Variants in PDE2A observed in about 807,000 individuals in gnomAD.
PDE2A encodes the protein phosphodiesterase 2A.
PDE2A carries 53 observed loss-of-function variants against 133.6 expected under a neutral mutation model. That is an observed-to-expected ratio of 0.40 (90% CI 0.32 to 0.50). The LOEUF (loss-of-function observed/expected upper bound fraction) is 0.50, where lower values mean the gene tolerates loss of function less well. Among genes scored for constraint, PDE2A ranks in the 20% least tolerant of loss-of-function variants. PDE2A has a pLI of 0.73. For synonymous variants in PDE2A, 491 were observed against 490.2 expected (o/e 1.00, Z -0.02); for missense variants, 796 against 1,232.4 (o/e 0.65, Z 5.30).
chr11:72,592,318 C>A (rs1331796773), intron 6 of PDE2A, among the ~76,000 whole-genome samples: 1 of 152,202 alleles, frequency 6.6e-6, no homozygotes, highest in East Asian at 1.9e-4. Flanking sequence ...CTGGGGGCTC[C>A]TCCTTCCTCC....
At chr11:72,660,772 CT>C (rs1442104027) in intron 1 of PDE2A, among the ~76,000 whole-genome samples, 1 of 151,918 alleles carries the variant, frequency 6.6e-6, no homozygotes, top group East Asian at 1.9e-4. Flanking sequence ...GATGTGCCCA[CT>C]GACCTCAGGC....
intron 23 of PDE2A, 106 bp downstream of exon 23, chr11:72,581,251 C>A: frequency 8.6e-7 from 1 of 1,160,866 alleles, no homozygotes. Context: ...CTAAGAAGAT[C>A]CCATGAGGCA....
chr11:72,626,329 G>A lies in PDE2A; in HGVS notation c.144+15925C>T, dbSNP rs540313834. Among the ~76,000 whole-genome samples, 8 of 152,320 alleles carry A rather than the reference G, an allele frequency of 5.3e-5. 1 individual carries two copies. The highest frequency in any genetic ancestry group is 3.9e-4 in the East Asian group (2 of 5,186). On this transcript the variant is annotated intron_variant, in intron 2 of 30. Transcript: ENST00000334456. ...CCTCCCTGGTCCCAGGTCCCTGCAC[G>A]CCCCGGGCCTGTGCAGCCCAACAGG...
At chr11:72,613,665 G>A (rs1005567345) in intron 2 of PDE2A, among the ~76,000 whole-genome samples, 1 of 151,788 alleles carries the variant, frequency 6.6e-6, no homozygotes, top group East Asian at 1.9e-4. Context: ...ACCTACTCCT[G>A]TGTCTCCAGC....
chr11:72,623,670 T>C (rs1340430391), intron 2 of PDE2A, among the ~76,000 whole-genome samples: 2 of 151,976 alleles, frequency 1.3e-5, no homozygotes, highest in Non-Finnish European at 2.9e-5. Context: ...CCTTTGCCCA[T>C]CTCAGAAACA....
intron 2 of PDE2A, among the ~76,000 whole-genome samples, chr11:72,622,703 A>G (rs1383179655): frequency 2.6e-5 from 4 of 152,196 alleles, no homozygotes; most frequent in African/African-American, 9.7e-5. Flanking sequence ...ACAGAGGAGG[A>G]TGGGGGCTGT....
At chr11:72,594,933 T>C (rs921619205) in intron 6 of PDE2A, among the ~76,000 whole-genome samples, 8 of 152,116 alleles carry the variant, frequency 5.3e-5, no homozygotes, top group Admixed American at 5.2e-4. Flanking sequence ...GAGAGCTCCC[T>C]GAAGGCAGAG....
chr11:72,581,375 T>C lies in PDE2A; in HGVS notation c.2027A>G (p.Glu676Gly), dbSNP rs1347446497. 6.2e-7 allele frequency: 1 copy of C among 1,613,128 alleles called. No homozygotes were observed. The highest frequency in any genetic ancestry group is 2.2e-5 in the East Asian group (1 of 44,862). Residue 676 changes from glutamate to glycine, a missense_variant, in exon 23 of 31, where the codon GAG (glutamate) becomes GGG (glycine). Physicochemically the swap from Glu to Gly is moderately conservative, Grantham distance 98. Around this residue, in one of 7 missense-constraint regions of PDE2A, gnomAD observed 218 missense variants for 465.9 expected, o/e 0.47. Coordinates refer to ENST00000334456, the MANE Select transcript of PDE2A (RefSeq NM_002599.5). ...CACTCACTCGAGGTAGTTGGTGAGC[T>C]CCAGGTTCTTGTAGAGCAGGTAGCA... ...HFCYLLYKNLELTNYLEDIEI... is the reference protein window; with the variant it reads ...HFCYLLYKNLGLTNYLEDIEI...
At position 72,580,727 on chromosome 11, in the gene PDE2A, C is replaced by G. The variant is rs80301814; in HGVS notation, c.2134-103G>C. ...TGCCCTTCCACCTTTCTCCCCTCCT[C>G]CCTATCTCAGAGCCAGGGGCAAACC... is the stretch of plus-strand genomic sequence containing the variant. On this transcript the variant is annotated intron_variant, in intron 24 of 30. Coordinates refer to ENST00000334456, the MANE Select transcript of PDE2A (RefSeq NM_002599.5). 3.5e-3 allele frequency: 3,795 copies of G among 1,097,256 alleles called. 112 individuals carry two copies. In the African/African-American group the frequency reaches 0.051, roughly 15 times the overall value. 68.0% of individuals were successfully genotyped at this position (1,097,256 alleles called of 1,614,324 possible).
chr11:72,631,168 G>A (rs1858362509), intron 2 of PDE2A: 1 of 1,511,672 alleles, frequency 6.6e-7, no homozygotes, highest in African/African-American at 1.4e-5. Context: ...CAGGGGCTGA[G>A]GCCGGCCAGG....
At chr11:72,596,564 T>A in intron 6 of PDE2A, 29 bp downstream of exon 6, 1 of 1,415,118 alleles carries the variant, frequency 7.1e-7, no homozygotes, top group Non-Finnish European at 9.4e-7. Flanking sequence ...CTCCTCTCCC[T>A]ACATCCCACC....
At chr11:72,620,370 G>C (rs1048835704) in intron 2 of PDE2A, among the ~76,000 whole-genome samples, 1 of 152,118 alleles carries the variant, frequency 6.6e-6, no homozygotes, top group Non-Finnish European at 1.5e-5. Context: ...ACCAGAGCTG[G>C]GATGCAGAGC....
chr11:72,598,489 C>G (rs772204062), intron 4 of PDE2A: 2 of 1,287,910 alleles, frequency 1.6e-6, no homozygotes, highest in South Asian at 2.5e-5. Flanking sequence ...GCCTCTGGCT[C>G]ATCCCGCTTA....
In PDE2A at chr11:72,588,839, C is replaced by T; in HGVS notation, c.1015G>A (p.Ala339Thr). Residue 339 changes from alanine (A) to threonine (T), a missense_variant, in exon 13 of 31, where the codon GCC (alanine) becomes ACC (threonine). Physicochemically the swap from Ala to Thr is moderately conservative, Grantham distance 58 (BLOSUM62 0). Transcript: ENST00000334456. ...GCCAAGGCCACCACCTGGTCAGTGG[C>T]CCGGCTGATGACAGGGACACAGAGC... ...AMLCVPVISRATDQVVALACA... is the reference protein window; with the variant it reads ...AMLCVPVISRTTDQVVALACA... 3.1e-6 allele frequency: 5 copies of T among 1,611,798 alleles called. No individual in the cohort carries two copies. Among genetic ancestry groups the T allele is most frequent in the Non-Finnish European group, 4.2e-6 (5 of 1,178,384 alleles).
At chr11:72,600,327 G>C (rs1210665915) in intron 4 of PDE2A, among the ~76,000 whole-genome samples, 11 of 152,160 alleles carry the variant, frequency 7.2e-5, no homozygotes, top group Admixed American at 7.2e-4. Flanking sequence ...ACAAGACAGA[G>C]GCTGAGCTGG....
chr11:72,642,063 CTGGGGTGACGTG>C (rs1416111149), intron 2 of PDE2A, among the ~76,000 whole-genome samples, 179 bp downstream of exon 2: 1 of 152,218 alleles, frequency 6.6e-6, no homozygotes, highest in East Asian at 1.9e-4. Flanking sequence ...AGTTCAGAGT[CTGGGGTGACGTG>C]TGGACTGAGA....
At chr11:72,663,406 C>T (rs550515355) in intron 1 of PDE2A, among the ~76,000 whole-genome samples, 10 of 152,322 alleles carry the variant, frequency 6.6e-5, no homozygotes, top group African/African-American at 1.9e-4. Context: ...CATATGAGTC[C>T]ACTCAGGAGA....
Position 72,597,360 on chromosome 11 carries a change from G to A in PDE2A, c.433+150C>T, listed in dbSNP as rs1856533810. The A allele has an allele frequency of 3.4e-6, 2 of 590,622 alleles. No homozygotes were observed. Among genetic ancestry groups the A allele is most frequent in the Non-Finnish European group, 6.0e-6 (2 of 330,614 alleles). The allele number at this position is 590,622 out of a possible 1,614,324, so 36.6% of individuals were successfully genotyped here. ...AGAATTTAGTAGTACAATAGAGAGA[G>A]AATTAGATGGAGGGACTGCTAGAGA... On this transcript the variant is annotated intron_variant, in intron 5 of 30. Coordinates refer to ENST00000334456, the MANE Select transcript of PDE2A (RefSeq NM_002599.5). The surrounding 1 kb of genome is among the most constrained non-coding windows in gnomAD (Gnocchi z 4.6).
chr11:72,670,048 C>G (rs563419293), intron 1 of PDE2A, among the ~76,000 whole-genome samples: 3 of 152,204 alleles, frequency 2.0e-5, no homozygotes, highest in Non-Finnish European at 2.9e-5. Flanking sequence ...GGCTTCCCCC[C>G]AGCCTGGCAC....
Sources: gnomAD v4.1 joint callset for allele counts (sites outside exome capture counted in the v4.1 genomes callset) on GRCh38, gnomAD v4.1.1 for gene constraint, gnomAD v4.1.1 regional missense constraint, Gnocchi (gnomAD v3.1) non-coding constraint, MANE v1.5 for transcripts, NCBI Gene and HGNC (gene_info 2026-07-23, HGNC 2026-07-21) for gene names.